Variants in NRG1 observed in about 807,000 individuals in gnomAD.
The protein encoded by NRG1 is neuregulin 1.
Under a neutral mutation model 63.8 loss-of-function variants are expected in NRG1, and 18 were observed. That is an observed-to-expected ratio of 0.28 (90% confidence interval 0.19 to 0.42). NRG1 has a LOEUF of 0.42. Among genes scored for constraint, NRG1 ranks in the 10% least tolerant of loss-of-function variants. The pLI is 1.00. For missense variants in NRG1, 762 were observed against 814.7 expected (o/e 0.94, Z 0.79); for synonymous variants, 302 against 301.3 (o/e 1.00, Z -0.02).
intron 1 of NRG1, among the ~76,000 whole-genome samples, chr8:32,190,774 T>C (rs555000093): frequency 5.3e-5 from 8 of 152,100 alleles, no homozygotes; most frequent in Non-Finnish European, 7.4e-5. Flanking sequence ...GGGTCAGAGA[T>C]GAAGGATAGT....
intron 2 of NRG1, among the ~76,000 whole-genome samples, chr8:32,597,612 A>T (rs1843595443): frequency 6.6e-6 from 1 of 152,138 alleles, no homozygotes; most frequent in Non-Finnish European, 1.5e-5. Flanking sequence ...GCACATGGCA[A>T]CTATCTTATT....
chr8:32,154,400 T>TCCCTTCCACTTCCTGCCTTCCC (rs1227790713), intron 1 of NRG1, among the ~76,000 whole-genome samples: 2 of 151,760 alleles, frequency 1.3e-5, no homozygotes, highest in South Asian at 2.1e-4. Flanking sequence ...CCTGCCTTCC[T>TCCCTTCCACTTCCTGCCTTCCC]CCCTTCCACT....
intron 1 of NRG1, among the ~76,000 whole-genome samples, chr8:32,538,514 A>G (rs1832251694): frequency 6.6e-6 from 1 of 152,226 alleles, no homozygotes; most frequent in East Asian, 1.9e-4. Context: ...GGACATCAAA[A>G]TGTAATGACA....
chr8:32,617,589 A>G (rs1415783649), intron 5 of NRG1, among the ~76,000 whole-genome samples: 1 of 152,226 alleles, frequency 6.6e-6, no homozygotes, highest in African/African-American at 2.4e-5. Flanking sequence ...TTAAATTTTG[A>G]TACTCAACAG....
At chr8:31,738,820 T>A (rs1044496731) in intron 1 of NRG1, among the ~76,000 whole-genome samples, 1 of 152,116 alleles carries the variant, frequency 6.6e-6, no homozygotes, top group Non-Finnish European at 1.5e-5. Context: ...TATGTCTCTG[T>A]CTCTCTCTGT....
At chr8:32,310,231 G>A (rs1209645082) in intron 1 of NRG1, among the ~76,000 whole-genome samples, 2 of 152,176 alleles carry the variant, frequency 1.3e-5, no homozygotes, top group Non-Finnish European at 2.9e-5. Context: ...CTTTGGTTTT[G>A]TTGTTTTGAA....
At chr8:32,337,653 C>A (rs1437058102) in intron 1 of NRG1, among the ~76,000 whole-genome samples, 8 of 24,700 alleles carry the variant, frequency 3.2e-4, no homozygotes, top group Admixed American at 6.5e-4. Context: ...AGAGTTATTG[C>A]AAAAAAAAAA....
intron 5 of NRG1, among the ~76,000 whole-genome samples, chr8:32,665,628 G>T (rs1043531443): frequency 6.6e-6 from 1 of 152,148 alleles, no homozygotes; most frequent in Non-Finnish European, 1.5e-5. Flanking sequence ...CAGTGTATTG[G>T]TGCTTATTTT....
chr8:31,938,930 C>T (rs184274323), intron 1 of NRG1, among the ~76,000 whole-genome samples: 84 of 152,176 alleles, frequency 5.5e-4, no homozygotes, highest in African/African-American at 2.0e-3. Flanking sequence ...AATGTCCCAA[C>T]CTAAGAATAA....
In NRG1 at chr8:32,614,742, G is replaced by A. The variant is rs111246547; in HGVS notation, c.451+178G>A. Among the ~76,000 whole-genome samples the A allele has an allele frequency of 3.9e-3, 586 of 152,116 alleles. 7 individuals carry two copies. Among genetic ancestry groups the A allele is most frequent in the African/African-American group, 0.013 (544 of 41,524 alleles). Reference sequence around the variant, plus strand: ...TTTGGATTTTACTTAAGGGAGGATGGTTCTTGCTGTGTCTTCAAACTTAGG... The same window carrying A: ...TTTGGATTTTACTTAAGGGAGGATGATTCTTGCTGTGTCTTCAAACTTAGG... On this transcript the variant is annotated intron_variant, in intron 4 of 11. Coordinates refer to ENST00000356819, the Ensembl canonical transcript of NRG1.
At chr8:32,046,914 A>G (rs1387657791) in intron 1 of NRG1, among the ~76,000 whole-genome samples, 1 of 152,112 alleles carries the variant, frequency 6.6e-6, no homozygotes, top group Non-Finnish European at 1.5e-5. Context: ...ATGACTATAA[A>G]TTAATTTTAA....
intron 1 of NRG1, among the ~76,000 whole-genome samples, chr8:32,142,233 C>A (rs963389756): frequency 6.6e-6 from 1 of 152,096 alleles, no homozygotes; most frequent in African/African-American, 2.4e-5. Flanking sequence ...TCCAAATGAC[C>A]CTTGCCTGAG....
At chr8:32,271,523 G>C (rs192719263) in intron 1 of NRG1, among the ~76,000 whole-genome samples, 4 of 152,146 alleles carry the variant, frequency 2.6e-5, no homozygotes, top group Non-Finnish European at 5.9e-5. Flanking sequence ...TTTCAAGTGA[G>C]TTGCTAAGTT....
In NRG1 at chr8:31,640,295, C is replaced by T. The variant is rs1411486510; in HGVS notation, c.37+864C>T. 12 of 1,123,542 alleles carry T rather than the reference C, an allele frequency of 1.1e-5. No individual in the cohort carries two copies. Among genetic ancestry groups the T allele is most frequent in the Non-Finnish European group, 1.1e-5 (10 of 919,402 alleles). 69.6% of individuals were successfully genotyped at this position (1,123,542 alleles called of 1,614,324 possible). A position where few individuals can be genotyped will look rare whatever the true frequency, so the allele number is the denominator to read the frequency against. Reference sequence around the variant, plus strand: ...GCACTCGACAGGAAGGCGGCGGCGGCGGCGGGCGAGGCAGGGGCGTGGGGC... The same window carrying T: ...GCACTCGACAGGAAGGCGGCGGCGGTGGCGGGCGAGGCAGGGGCGTGGGGC... On this transcript the variant is annotated intron_variant, in intron 1 of 10. Coordinates refer to the NRG1 transcript ENST00000519301. This position sits in a 1 kb window ranked among gnomAD's most constrained non-coding sequence, Gnocchi z 6.3.
At chr8:32,180,304 A>T (rs1841297221) in intron 1 of NRG1, among the ~76,000 whole-genome samples, 1 of 152,134 alleles carries the variant, frequency 6.6e-6, no homozygotes, top group Non-Finnish European at 1.5e-5. Flanking sequence ...CCAGCTAAAC[A>T]ATCTAATCCA....
chr8:31,905,140 A>G (rs901899488), intron 1 of NRG1, among the ~76,000 whole-genome samples: 2 of 152,142 alleles, frequency 1.3e-5, no homozygotes, highest in African/African-American at 2.4e-5. Context: ...TTGAGAAAGC[A>G]TAGAGTCCCA....
At chr8:32,596,130 T>TC (rs1439777224) in intron 2 of NRG1, 125 bp downstream of exon 2, 1 of 748,028 alleles carries the variant, frequency 1.3e-6, no homozygotes, top group Non-Finnish European at 2.0e-6. Context: ...AAAAGCTGTT[T>TC]CATTATATAA....
intron 5 of NRG1, among the ~76,000 whole-genome samples, chr8:32,686,739 A>G (rs1049921644): frequency 5.9e-5 from 9 of 152,230 alleles, no homozygotes; most frequent in Admixed American, 5.9e-4. Flanking sequence ...GGTTTAGATG[A>G]GGGAGCCCCG....
At chr8:31,942,052 A>G (rs1207495863) in intron 1 of NRG1, among the ~76,000 whole-genome samples, 1 of 152,154 alleles carries the variant, frequency 6.6e-6, no homozygotes, top group Non-Finnish European at 1.5e-5. Context: ...TAAAATTCAT[A>G]TGGAACAAAA....
Sources: gnomAD v4.1 joint callset for allele counts (sites outside exome capture counted in the v4.1 genomes callset) on GRCh38, gnomAD v4.1.1 for gene constraint, Gnocchi (gnomAD v3.1) non-coding constraint, MANE v1.5 for transcripts, NCBI Gene and HGNC (gene_info 2026-07-23, HGNC 2026-07-21) for gene names.